Variants in ARHGEF12 observed in about 807,000 individuals in gnomAD.
The protein encoded by ARHGEF12 is Rho guanine nucleotide exchange factor 12.
ARHGEF12 carries 66 observed loss-of-function variants against 211.2 expected under a neutral mutation model. The observed-to-expected ratio is 0.31, with a 90% CI of 0.26 to 0.38. ARHGEF12 has a LOEUF of 0.38. ARHGEF12 is among the 10% of genes least tolerant of loss of function. The pLI is 1.00. For synonymous variants in ARHGEF12, 592 were observed against 638.4 expected (o/e 0.93, Z 1.09); for missense variants, 1,429 against 1,869.5 (o/e 0.76, Z 4.34).
chr11:120,481,712 G>T (rs1221793137), intron 39 of ARHGEF12, 136 bp downstream of exon 39: 21 of 808,636 alleles, frequency 2.6e-5, no homozygotes, highest in Non-Finnish European at 4.0e-5. Context: ...CCATGAATAG[G>T]CCTGGGTAAA....
chr11:120,437,414 G>A (rs1235438240), intron 12 of ARHGEF12, 32 bp downstream of exon 12: 1 of 1,552,540 alleles, frequency 6.4e-7, no homozygotes, highest in African/African-American at 1.4e-5. Context: ...TGATAGTGCT[G>A]TCTTTGGCTT....
At chr11:120,407,904 C>A in intron 3 of ARHGEF12, 81 bp downstream of exon 3, 2 of 1,189,912 alleles carry the variant, frequency 1.7e-6, no homozygotes, top group South Asian at 1.3e-5. Context: ...CCGAAACACT[C>A]AGGAATAGTT....
intron 13 of ARHGEF12, among the ~76,000 whole-genome samples, chr11:120,440,942 A>T (rs1253926261): frequency 1.3e-5 from 2 of 152,100 alleles, no homozygotes; most frequent in Non-Finnish European, 2.9e-5. Flanking sequence ...TGAGATTATT[A>T]TGTGGTTTTT....
chr11:120,448,320 G>T lies in ARHGEF12; in HGVS notation c.1709G>T (p.Gly570Val), dbSNP rs748450001. The T allele has an allele frequency of 6.2e-7, 1 of 1,614,100 alleles. No individual in the cohort carries two copies. Among genetic ancestry groups the T allele is most frequent in the East Asian group, 2.2e-5 (1 of 44,862 alleles). ...CCTCGAAATTTGGAGCACAAACGGG[G>T]TCGGATTGGATTTCTTCCCAAAATC... ...KEPRNLEHKR[G>V]RIGFLPKIKQ... is the part of the protein sequence containing the mutation. The change falls in exon 20 of 41, where the codon GGT becomes GTT. Residue 570 changes from glycine (G) to valine (V), a missense_variant. Gly to Val is a moderately radical substitution (Grantham distance 109). This residue lies in a region of ARHGEF12 where 373 missense variants were observed against 467.5 expected (regional missense o/e 0.80). Coordinates refer to ENST00000397843, the MANE Select transcript of ARHGEF12 (RefSeq NM_015313.3).
In ARHGEF12 at chr11:120,429,850, G is replaced by A. The variant is rs74596881; in HGVS notation, c.783+19G>A. 0.011 allele frequency: 17,274 copies of A among 1,587,224 alleles called. 1,159 individuals are homozygous for A. The South Asian group carries it at 0.14, about 13-fold the overall frequency. ...TGCTCAGGTAGCATCACTATTACAAGTGCTACCCAACTTTTTGCAGGAGAA... is the reference window on the plus strand; with the variant it reads ...TGCTCAGGTAGCATCACTATTACAAATGCTACCCAACTTTTTGCAGGAGAA... On this transcript the variant is annotated intron_variant, in intron 10 of 40. Transcript: ENST00000397843.
intron 22 of ARHGEF12, among the ~76,000 whole-genome samples, chr11:120,452,729 C>G (rs1946248990): frequency 6.6e-6 from 1 of 152,192 alleles, no homozygotes; most frequent in South Asian, 2.1e-4. Flanking sequence ...GGTGCAGTGG[C>G]TCATGCCTGT....
intron 40 of ARHGEF12, among the ~76,000 whole-genome samples, 172 bp downstream of exon 40, chr11:120,484,679 T>G (rs117792004): frequency 2.0e-5 from 3 of 152,238 alleles, no homozygotes; most frequent in African/African-American, 7.2e-5. Flanking sequence ...CTGCTGACTC[T>G]ACTCTTCTCT....
At chr11:120,397,366 C>T (rs979841243) in intron 1 of ARHGEF12, among the ~76,000 whole-genome samples, 33 of 152,176 alleles carry the variant, frequency 2.2e-4, no homozygotes, top group African/African-American at 7.2e-5. Context: ...TTTCTGTTTA[C>T]CTAGTACCCA....
intron 1 of ARHGEF12, among the ~76,000 whole-genome samples, chr11:120,402,359 G>T (rs957977011): frequency 6.6e-6 from 1 of 152,134 alleles, no homozygotes; most frequent in Non-Finnish European, 1.5e-5. Context: ...TCTTTGTCTA[G>T]TAACTCTTCT....
At chr11:120,433,837 A>G (rs1945617520) in intron 11 of ARHGEF12, among the ~76,000 whole-genome samples, 1 of 152,182 alleles carries the variant, frequency 6.6e-6, no homozygotes, top group African/African-American at 2.4e-5. Flanking sequence ...ACACGCCTGT[A>G]ATCTCAGCTA....
At chr11:120,442,669 C>T (rs537609890) in intron 15 of ARHGEF12, among the ~76,000 whole-genome samples, 7 of 151,864 alleles carry the variant, frequency 4.6e-5, no homozygotes, top group South Asian at 2.1e-4. Flanking sequence ...ATGATGATAA[C>T]GTTATATTTT....
intron 1 of ARHGEF12, among the ~76,000 whole-genome samples, chr11:120,369,421 A>G (rs756528979): frequency 1.3e-5 from 2 of 151,850 alleles, no homozygotes; most frequent in South Asian, 4.2e-4. Flanking sequence ...GAGCCATCCC[A>G]CTCGGCCAGA....
chr11:120,376,467 A>G (rs1943726599), intron 1 of ARHGEF12, among the ~76,000 whole-genome samples: 1 of 152,164 alleles, frequency 6.6e-6, no homozygotes, highest in Non-Finnish European at 1.5e-5. Flanking sequence ...CTTTTAAAAA[A>G]TAGACTGAGA....
Position 120,456,465 on chromosome 11 carries a change from C to T in ARHGEF12, c.2057-653C>T, listed in dbSNP as rs1352232500. Among the ~76,000 whole-genome samples, 3 of 151,818 alleles carry T rather than the reference C, an allele frequency of 2.0e-5. No homozygotes were observed. The East Asian group carries it at 5.8e-4, about 29-fold the overall frequency. ...AAAAGTGAAAGTGGAAAGTGTAAGT[C>T]AACAAAATCCTCAGAGGGGAAAGAA... On this transcript the variant is annotated intron_variant, in intron 22 of 40. Coordinates refer to ENST00000397843, the MANE Select transcript of ARHGEF12 (RefSeq NM_015313.3).
At chr11:120,447,328 A>G in intron 18 of ARHGEF12, 1 of 393,050 alleles carries the variant, frequency 2.5e-6, no homozygotes. Context: ...TCAGTGATCA[A>G]AAACAGGTTG....
At position 120,458,075 on chromosome 11, in the gene ARHGEF12, C is replaced by A. The variant is rs766267410; in HGVS notation, c.2226-5C>A. 1.9e-6 allele frequency: 3 copies of A among 1,596,376 alleles called. No homozygotes were observed. The highest frequency in any genetic ancestry group is 1.4e-5 in the African/African-American group (1 of 73,536). On this transcript the variant is annotated splice_polypyrimidine_tract_variant and splice_region_variant and intron_variant, in intron 24 of 40. Coordinates refer to ENST00000397843, the MANE Select transcript of ARHGEF12 (RefSeq NM_015313.3). The stretch of plus-strand genomic sequence containing the variant: ...CAAATTGAATTCACTCTTTTTTCTT[C>A]ATAGGTTTGACAGTGTAGCTTTTGG...
chr11:120,480,328 G>A lies in ARHGEF12; in HGVS notation c.4135G>A (p.Glu1379Lys). 1 of 1,614,164 alleles carries A rather than the reference G, an allele frequency of 6.2e-7. No individual in the cohort carries two copies. The highest frequency in any genetic ancestry group is 8.5e-7 in the Non-Finnish European group (1 of 1,180,030). ...EPEGGLDDSG[E>K]HFFDAREAHS... ...AGAAGGGGGTCTTGATGACAGTGGA[G>A]AGCACTTTTTTGATGCCCGTGAAGC... Residue 1379 changes from glutamate (E) to lysine (K), a missense_variant, in exon 38 of 41, where the codon GAG (glutamate) becomes AAG (lysine). Around this residue, in one of 7 missense-constraint regions of ARHGEF12, gnomAD observed 467 missense variants for 468.4 expected, o/e 1.00. Transcript: ENST00000397843.
intron 39 of ARHGEF12, among the ~76,000 whole-genome samples, chr11:120,483,066 A>T (rs1441985965): frequency 6.6e-6 from 1 of 152,292 alleles, no homozygotes; most frequent in African/African-American, 2.4e-5. Flanking sequence ...AGGCATTTTT[A>T]TCTTTGTGTG....
chr11:120,337,301 G>C, intron 1 of ARHGEF12, 26 bp downstream of exon 1: 1 of 1,613,652 alleles, frequency 6.2e-7, no homozygotes, highest in Non-Finnish European at 8.5e-7. Context: ...TCCTTCGTTC[G>C]GCCTCCCGGA....
Sources: allele counts gnomAD v4.1 joint callset (sites outside exome capture counted in the v4.1 genomes callset), GRCh38; gene constraint gnomAD v4.1.1; regional missense constraint gnomAD v4.1.1; transcripts MANE v1.5; gene names NCBI Gene and HGNC (gene_info 2026-07-23, HGNC 2026-07-21).